Variants in AGBL4 observed in about 807,000 individuals in gnomAD.
AGBL4 encodes the protein AGBL carboxypeptidase 4.
A neutral mutation model predicts 66.4 loss-of-function variants in AGBL4; 58 were observed. The ratio of observed to expected loss-of-function variants is 0.87; its 90% CI spans 0.71 to 1.09. The LOEUF (loss-of-function observed/expected upper bound fraction) is 1.09, where lower values mean the gene tolerates loss of function less well. Among genes scored for constraint, AGBL4 ranks in the 50% least tolerant of loss-of-function variants. The pLI, the probability that AGBL4 is intolerant of heterozygous loss-of-function variation, is 0.00. For synonymous variants in AGBL4, 234 were observed against 222.9 expected, an observed-to-expected ratio of 1.05 and a Z score of -0.44; for missense variants, 579 against 631.0, an observed-to-expected ratio of 0.92 and a Z score of 0.88.
At chr1:49,646,710 C>A (rs1645895965) in intron 3 of AGBL4, among the ~76,000 whole-genome samples, 1 of 151,792 alleles carries the variant, frequency 6.6e-6, no homozygotes, top group African/African-American at 2.4e-5. Context: ...TGCACAGAAT[C>A]CAGAATAGCC....
At chr1:49,002,476 T>A (rs1484552893) in intron 5 of AGBL4, among the ~76,000 whole-genome samples, 4 of 152,190 alleles carry the variant, frequency 2.6e-5, no homozygotes, top group African/African-American at 7.2e-5. Flanking sequence ...GACTCAAACA[T>A]TCTCTGTACC....
At chr1:48,622,800 T>C (rs1057209453) in intron 9 of AGBL4, among the ~76,000 whole-genome samples, 7 of 152,178 alleles carry the variant, frequency 4.6e-5, no homozygotes, top group African/African-American at 1.7e-4. Flanking sequence ...ACACTTCTTA[T>C]ACTAATAATA....
intron 2 of AGBL4, among the ~76,000 whole-genome samples, chr1:49,726,727 G>A (rs1237710553): frequency 1.3e-5 from 2 of 152,046 alleles, no homozygotes; most frequent in Non-Finnish European, 2.9e-5. Context: ...CAACTCTAAG[G>A]ACCTTGGGGA....
chr1:49,291,811 C>A (rs928696683), intron 3 of AGBL4, among the ~76,000 whole-genome samples: 3 of 152,196 alleles, frequency 2.0e-5, no homozygotes, highest in African/African-American at 7.2e-5. Context: ...TCCACAGAGC[C>A]AGAGGGAGCC....
At chr1:49,515,460 A>C (rs535776431) in intron 3 of AGBL4, among the ~76,000 whole-genome samples, 21 of 151,980 alleles carry the variant, frequency 1.4e-4, no homozygotes, top group Non-Finnish European at 3.1e-4. Context: ...CTCATTCAAC[A>C]ATTGTGGAAG....
intron 2 of AGBL4, among the ~76,000 whole-genome samples, chr1:49,822,545 A>C (rs559916247): frequency 6.6e-6 from 1 of 152,212 alleles, no homozygotes; most frequent in East Asian, 1.9e-4. Context: ...GCTGGTCTTG[A>C]GCTCCTGACC....
intron 3 of AGBL4, among the ~76,000 whole-genome samples, chr1:49,521,718 C>A (rs904863428): frequency 6.6e-6 from 1 of 151,906 alleles, no homozygotes; most frequent in African/African-American, 2.4e-5. Context: ...AAAAGAAAAA[C>A]TAAGAATATC....
At chr1:49,191,677 A>G (rs996446309) in intron 4 of AGBL4, among the ~76,000 whole-genome samples, 1 of 152,050 alleles carries the variant, frequency 6.6e-6, no homozygotes, top group African/African-American at 2.4e-5. Context: ...TGAATACTCA[A>G]TGTCTGCTCC....
chr1:49,422,878 C>A (rs1645574643), intron 3 of AGBL4, among the ~76,000 whole-genome samples: 2 of 152,130 alleles, frequency 1.3e-5, no homozygotes, highest in Admixed American at 1.3e-4. Flanking sequence ...ATTAGTGTAA[C>A]AAGGGCAATA....
chr1:48,899,421 G>GTTTTTTTTTTTT (rs113628909), intron 5 of AGBL4, among the ~76,000 whole-genome samples: 2 of 149,032 alleles, frequency 1.3e-5, no homozygotes, highest in Non-Finnish European at 1.5e-5. Context: ...TAAGTTAATA[G>GTTTTTTTTTTTT]TTTTTTTTTT....
At chr1:49,963,378 C>T (rs1157288508) in intron 1 of AGBL4, among the ~76,000 whole-genome samples, 1 of 152,132 alleles carries the variant, frequency 6.6e-6, no homozygotes, top group Non-Finnish European at 1.5e-5. Flanking sequence ...ACTCCAAAGG[C>T]TAGTGACTGA....
At chr1:49,879,674 G>A (rs988326139) in intron 1 of AGBL4, among the ~76,000 whole-genome samples, 48 of 140,788 alleles carry the variant, frequency 3.4e-4, no homozygotes, top group South Asian at 1.2e-3. Flanking sequence ...TCTTTATGGC[G>A]TTCTCTGTAT....
intron 5 of AGBL4, among the ~76,000 whole-genome samples, chr1:49,002,441 T>C (rs1360138810): frequency 2.6e-5 from 4 of 152,354 alleles, no homozygotes; most frequent in East Asian, 1.9e-4. Flanking sequence ...TATTTTCCAA[T>C]ATAATTGATC....
At chr1:49,430,798 C>G (rs551115875) in intron 3 of AGBL4, among the ~76,000 whole-genome samples, 1 of 152,200 alleles carries the variant, frequency 6.6e-6, no homozygotes, top group African/African-American at 2.4e-5. Context: ...CTTCCCATTG[C>G]TAGCCATAGC....
At chr1:49,097,246 A>G (rs996350696) in intron 4 of AGBL4, among the ~76,000 whole-genome samples, 3 of 152,236 alleles carry the variant, frequency 2.0e-5, no homozygotes, top group Non-Finnish European at 4.4e-5. Flanking sequence ...TATAATACAC[A>G]AAATTAGAGA....
intron 5 of AGBL4, among the ~76,000 whole-genome samples, chr1:48,985,722 C>T (rs977255920): frequency 6.6e-6 from 1 of 151,906 alleles, no homozygotes; most frequent in Admixed American, 6.6e-5. Context: ...ATGTCTACCA[C>T]TGAACAGGGT....
chr1:49,143,265 C>G (rs1367467562), intron 4 of AGBL4, among the ~76,000 whole-genome samples: 1 of 152,170 alleles, frequency 6.6e-6, no homozygotes, highest in Non-Finnish European at 1.5e-5. Context: ...ATACTGCTGC[C>G]TTTGCCCAGA....
intron 1 of AGBL4, among the ~76,000 whole-genome samples, chr1:50,018,979 A>C (rs992511877): frequency 7.2e-5 from 11 of 152,166 alleles, no homozygotes; most frequent in African/African-American, 2.6e-4. Flanking sequence ...ACCAAAATTA[A>C]TTTGATAGCA....
intron 4 of AGBL4, among the ~76,000 whole-genome samples, chr1:49,088,642 C>T (rs1571416945): frequency 6.6e-6 from 1 of 152,044 alleles, no homozygotes; most frequent in African/African-American, 2.4e-5. Flanking sequence ...GCTAATCATA[C>T]AATAATAGTA....
Sources: allele counts gnomAD v4.1 joint callset (sites outside exome capture counted in the v4.1 genomes callset), GRCh38; gene constraint gnomAD v4.1.1; transcripts MANE v1.5; gene names NCBI Gene and HGNC (gene_info 2026-07-23, HGNC 2026-07-21).